Variants in CLASP1 observed in about 807,000 individuals in gnomAD.
CLASP1 encodes cytoplasmic linker associated protein 1, also known as CLIP-associating protein 1.
In CLASP1, 38 loss-of-function variants were observed where a neutral mutation model predicts 192.3. The ratio of observed to expected loss-of-function variants is 0.20; its 90% CI spans 0.15 to 0.26. The LOEUF is 0.26. CLASP1 is among the 10% of genes least tolerant of loss of function. CLASP1 has a pLI of 1.00. For synonymous variants in CLASP1, 691 were observed against 712.8 expected, an observed-to-expected ratio of 0.97 and a Z score of 0.49; for missense variants, 1,433 against 1,932.5, an observed-to-expected ratio of 0.74 and a Z score of 4.85.
exon 35 of CLASP1, chr2:121,367,717 G>C: frequency 6.2e-7 from 1 of 1,614,028 alleles, no homozygotes; most frequent in Non-Finnish European, 8.5e-7. Flanking sequence ...AAGGCGCGCG[G>C]AGGCTGGGTG....
intron 8 of CLASP1, among the ~76,000 whole-genome samples, chr2:121,497,262 C>A (rs1412186413): frequency 6.6e-6 from 1 of 152,058 alleles, no homozygotes; most frequent in Non-Finnish European, 1.5e-5. Context: ...AGGGAGGTAT[C>A]AAAAATGACA....
At chr2:121,491,339 G>A (rs545579438) in intron 8 of CLASP1, among the ~76,000 whole-genome samples, 48 of 152,306 alleles carry the variant, frequency 3.2e-4, no homozygotes, top group African/African-American at 1.1e-3. Flanking sequence ...CAAGATGATA[G>A]TTTGTATCTT....
intron 6 of CLASP1, among the ~76,000 whole-genome samples, chr2:121,522,922 C>T (rs987160439): frequency 3.9e-5 from 6 of 152,184 alleles, no homozygotes; most frequent in Non-Finnish European, 7.3e-5. Context: ...TGAAAATGAC[C>T]ATCTCAGATG....
At chr2:121,579,509 C>T (rs1238273944) in intron 2 of CLASP1, among the ~76,000 whole-genome samples, 3 of 152,210 alleles carry the variant, frequency 2.0e-5, no homozygotes, top group African/African-American at 7.2e-5. Context: ...TCCCTGGCAA[C>T]CACTAATGCA....
chr2:121,443,593 G>A (rs544002146), intron 19 of CLASP1, among the ~76,000 whole-genome samples: 53 of 152,284 alleles, frequency 3.5e-4, no homozygotes, highest in Non-Finnish European at 6.0e-4. Flanking sequence ...TGTCAGACAT[G>A]ACGTCCTCAT....
intron 20 of CLASP1, 141 bp downstream of exon 20, chr2:121,429,928 ACAGT>A (rs1421130152): frequency 4.9e-6 from 3 of 608,736 alleles, no homozygotes; most frequent in Non-Finnish European, 8.6e-6. Context: ...TACCCAACAA[ACAGT>A]AAGATTACTC....
At chr2:121,445,593 G>T in intron 19 of CLASP1, 1 of 581,010 alleles carries the variant, frequency 1.7e-6, no homozygotes, top group Non-Finnish European at 2.8e-6. Flanking sequence ...TTCTCACTAG[G>T]ATTGTGCTAT....
intron 28 of CLASP1, among the ~76,000 whole-genome samples, chr2:121,399,000 A>G (rs887994782): frequency 5.3e-5 from 8 of 152,200 alleles, no homozygotes; most frequent in African/African-American, 1.9e-4. Flanking sequence ...AAAATGCTGT[A>G]ATTACTAGTA....
At chr2:121,630,193 T>C (rs998928936) in intron 1 of CLASP1, among the ~76,000 whole-genome samples, 1 of 152,146 alleles carries the variant, frequency 6.6e-6, no homozygotes, top group Admixed American at 6.5e-5. Context: ...CTGCTGGGAT[T>C]ACAGGCGTGA....
At chr2:121,431,506 A>G (rs1017862318) in intron 19 of CLASP1, among the ~76,000 whole-genome samples, 4 of 149,874 alleles carry the variant, frequency 2.7e-5, no homozygotes, top group Non-Finnish European at 5.9e-5. Context: ...TGATTTTCCT[A>G]AGGAAGTCAC....
Position 121,501,861 on chromosome 2 carries a change from T to A in CLASP1, c.712+1306A>T, listed in dbSNP as rs2093765402. 2.6e-5 allele frequency among the ~76,000 whole-genome samples: 4 copies of A among 152,290 alleles called. No homozygotes were observed. In the South Asian group the frequency reaches 8.3e-4, roughly 32 times the overall value. ...TGTACTAGGAAGACAGTAGTAATGATGAGGAGAATTACTGGGATTCGGGGT... is the reference window on the plus strand; with the variant it reads ...TGTACTAGGAAGACAGTAGTAATGAAGAGGAGAATTACTGGGATTCGGGGT... On this transcript the variant is annotated intron_variant, in intron 8 of 39. Coordinates refer to ENST00000263710, the Ensembl canonical transcript of CLASP1.
chr2:121,362,563 T>C lies in CLASP1; in HGVS notation c.4206+609A>G, dbSNP rs139405041. Among the ~76,000 whole-genome samples, 111 of 152,346 alleles carry C rather than the reference T, an allele frequency of 7.3e-4. 1 individual carries two copies. Among genetic ancestry groups the C allele is most frequent in the African/African-American group, 2.5e-3 (102 of 41,586 alleles). ...AGGGCTGCCACCACTCAGCCTCATC[T>C]TGCAGAGAGAAGCACACTGAACGGC... On this transcript the variant is annotated intron_variant, in intron 37 of 39. Coordinates refer to ENST00000263710, the Ensembl canonical transcript of CLASP1.
chr2:121,494,742 C>A (rs756372717), intron 8 of CLASP1, among the ~76,000 whole-genome samples: 1 of 152,170 alleles, frequency 6.6e-6, no homozygotes, highest in African/African-American at 2.4e-5. Flanking sequence ...AATATTGGGC[C>A]AACCACGTTG....
chr2:121,576,446 C>A (rs1252692995), intron 2 of CLASP1, among the ~76,000 whole-genome samples: 1 of 152,098 alleles, frequency 6.6e-6, no homozygotes, highest in Non-Finnish European at 1.5e-5. Context: ...AGTGCAATAC[C>A]AGGTAAAAGT....
intron 2 of CLASP1, among the ~76,000 whole-genome samples, chr2:121,575,781 A>G (rs955093058): frequency 3.9e-5 from 6 of 152,194 alleles, no homozygotes; most frequent in African/African-American, 1.4e-4. Context: ...GGATAAATAC[A>G]CCTAAGATAA....
At chr2:121,450,048 A>G (rs2085125524) in intron 16 of CLASP1, among the ~76,000 whole-genome samples, 1 of 152,170 alleles carries the variant, frequency 6.6e-6, no homozygotes, top group Non-Finnish European at 1.5e-5. Flanking sequence ...AATTATTTCC[A>G]AGGCTGGACA....
intron 24 of CLASP1, among the ~76,000 whole-genome samples, chr2:121,410,644 T>C (rs879300101): frequency 1.1e-4 from 16 of 152,218 alleles, no homozygotes; most frequent in Non-Finnish European, 2.4e-4. Flanking sequence ...AAATACTTGA[T>C]GCTAATATTT....
At chr2:121,358,229 C>CCT (rs1173939067) in intron 37 of CLASP1, among the ~76,000 whole-genome samples, 3 of 152,112 alleles carry the variant, frequency 2.0e-5, no homozygotes, top group Non-Finnish European at 2.9e-5. Flanking sequence ...CAAGGTTGGG[C>CCT]CTAGGGAAAA....
chr2:121,549,048 A>C (rs1430657793), intron 2 of CLASP1, among the ~76,000 whole-genome samples: 1 of 152,242 alleles, frequency 6.6e-6, no homozygotes, highest in Non-Finnish European at 1.5e-5. Flanking sequence ...CATAATAACC[A>C]GCTAAGAACA....
Sources: allele counts gnomAD v4.1 joint callset (sites outside exome capture counted in the v4.1 genomes callset), GRCh38; gene constraint gnomAD v4.1.1; transcripts MANE v1.5; gene names NCBI Gene and HGNC (gene_info 2026-07-23, HGNC 2026-07-21).